NAB1: variants seen among roughly 807,000 people sequenced by gnomAD.
NAB1 encodes NGFI-A-binding protein 1.
Under a neutral mutation model 49.9 loss-of-function variants are expected in NAB1, and 25 were observed. The ratio of observed to expected loss-of-function variants is 0.50; its 90% CI spans 0.37 to 0.70. NAB1 has a LOEUF of 0.70. Among genes scored for constraint, NAB1 ranks in the 30% least tolerant of loss-of-function variants. NAB1 has a pLI of 0.00. For missense variants in NAB1, 489 were observed against 575.9 expected, an observed-to-expected ratio of 0.85 and a Z score of 1.54; for synonymous variants, 198 against 215.6, an observed-to-expected ratio of 0.92 and a Z score of 0.71.
intron 6 of NAB1, 198 bp downstream of exon 6, chr2:190,673,350 G>A: frequency 1.7e-6 from 1 of 591,474 alleles, no homozygotes. Context: ...GCAGACCAAG[G>A]AAAATTTTTT....
chr2:190,661,091 T>TTAA, intron 4 of NAB1, among the ~76,000 whole-genome samples: 1 of 152,202 alleles, frequency 6.6e-6, no homozygotes, highest in Non-Finnish European at 1.5e-5. Context: ...CCACACCAAG[T>TTAA]TAATTTTTTA....
rs1574490700 is a variant in NAB1 at position 190,690,372 on chromosome 2, A to G, written c.*39A>G. 7.0e-7 allele frequency: 1 copy of G among 1,433,096 alleles called. No homozygotes were observed. Among genetic ancestry groups the G allele is most frequent in the Non-Finnish European group, 9.8e-7 (1 of 1,017,400 alleles). The allele number at this position is 1,433,096 out of a possible 1,614,324, so 88.8% of individuals were successfully genotyped here. On this transcript the variant is annotated 3_prime_UTR_variant, in exon 10 of 10. Coordinates refer to ENST00000337386, the MANE Select transcript of NAB1 (RefSeq NM_005966.4). ...CACCGTTCTCTGGAAATGGCATCAG[A>G]TTTAAGGATAATACTCCATCATAGA... is the stretch of plus-strand genomic sequence containing the variant.
At chr2:190,683,371 C>G (rs1442368359) in intron 6 of NAB1, among the ~76,000 whole-genome samples, 1 of 140,916 alleles carries the variant, frequency 7.1e-6, no homozygotes, top group Admixed American at 7.5e-5. Flanking sequence ...GTCTCGAACT[C>G]CTGACCTCAG....
At chr2:190,658,609 C>T (rs1421631831) in intron 3 of NAB1, among the ~76,000 whole-genome samples, 1 of 152,218 alleles carries the variant, frequency 6.6e-6, no homozygotes, top group Non-Finnish European at 1.5e-5. Flanking sequence ...TTTCTCACCT[C>T]CAATTCATAC....
In NAB1 at chr2:190,659,897, G is replaced by C; in HGVS notation, c.721G>C (p.Asp241His). The change falls in exon 4 of 10, where the codon GAT becomes CAT. Residue 241 changes from aspartate to histidine, a missense_variant. By Grantham distance (81) the Asp-to-His change is moderately conservative (BLOSUM62 -1). This residue lies in a region of NAB1 where 204 missense variants were observed against 220.9 expected (regional missense o/e 0.92). Transcript: ENST00000337386. The surrounding 1 kb of genome is among the most constrained non-coding windows in gnomAD (Gnocchi z 6.2). ...MIGHIFEMND[D>H]DPHKEEEIRK... ...TGGTCACATCTTTGAGATGAACGAT[G>C]ATGATCCACACAAAGAGGAGGAAAT... 6.2e-7 allele frequency: 1 copy of C among 1,614,140 alleles called. No individual in the cohort carries two copies. Among genetic ancestry groups the C allele is most frequent in the African/African-American group, 1.3e-5 (1 of 75,038 alleles).
Position 190,685,658 on chromosome 2 carries a change from T to A in NAB1, c.1258+20T>A. On this transcript the variant is annotated intron_variant, in intron 8 of 9. Transcript: ENST00000337386. This position sits in a 1 kb window ranked among gnomAD's most constrained non-coding sequence, Gnocchi z 4.5. ...GACAAGGTACATCTTTAGAATATCC[T>A]ATGCCTTTAGGGCCACTATGTGCAC... 6.4e-7 allele frequency: 1 copy of A among 1,571,424 alleles called. No homozygotes were observed. The highest frequency in any genetic ancestry group is 8.6e-7 in the Non-Finnish European group (1 of 1,158,620).
rs917552874 is a variant in NAB1, at chr2:190,685,927, C to T, written c.1258+289C>T. 1.3e-5 allele frequency among the ~76,000 whole-genome samples: 2 copies of T among 152,046 alleles called. No homozygotes were observed. Among genetic ancestry groups the T allele is most frequent in the African/African-American group, 2.4e-5 (1 of 41,380 alleles). ...TGTCAACAGTACAGATTATTTTCCC[C>T]GAAGAAGCAGATTCCGGGAGAGATG... On this transcript the variant is annotated intron_variant, in intron 8 of 9. Coordinates refer to ENST00000337386, the MANE Select transcript of NAB1 (RefSeq NM_005966.4). The surrounding 1 kb of genome is among the most constrained non-coding windows in gnomAD (Gnocchi z 4.5).
rs2109957 is a variant in NAB1, at chr2:190,670,585, T to C, written c.953+126T>C. ...AAGTATGATTATTGTTCTATGAAAC[T>C]AAACAATGCAGTGATTTTGAAAACA... is the stretch of plus-strand genomic sequence containing the variant. On this transcript the variant is annotated intron_variant, in intron 5 of 9. Coordinates refer to ENST00000337386, the MANE Select transcript of NAB1 (RefSeq NM_005966.4). The surrounding 1 kb of genome is among the most constrained non-coding windows in gnomAD (Gnocchi z 5.3). The C allele has an allele frequency of 0.24, 248,240 of 1,036,726 alleles. 31,413 individuals carry two copies. Among genetic ancestry groups the C allele is most frequent in the Non-Finnish European group, 0.26 (189,601 of 723,506 alleles). The allele number at this position is 1,036,726 out of a possible 1,614,324, so 64.2% of individuals were successfully genotyped here.
chr2:190,664,163 C>T (rs1292603479), intron 4 of NAB1, among the ~76,000 whole-genome samples: 2 of 152,168 alleles, frequency 1.3e-5, no homozygotes, highest in African/African-American at 4.8e-5. Context: ...TCTGCTTGCT[C>T]TGTCAGTAAA....
intron 5 of NAB1, among the ~76,000 whole-genome samples, chr2:190,671,763 C>A (rs1167366938): frequency 7.1e-6 from 1 of 141,794 alleles, no homozygotes; most frequent in Non-Finnish European, 1.5e-5. Context: ...TTTACCTTCA[C>A]CTTTCCTTTT....
rs1204637147 is a variant in NAB1, at chr2:190,654,313, C to T, written c.-196-1664C>T. 2.0e-5 allele frequency among the ~76,000 whole-genome samples: 3 copies of T among 152,198 alleles called. No individual in the cohort carries two copies. The highest frequency in any genetic ancestry group is 7.2e-5 in the African/African-American group (3 of 41,448). ...TGTCTCTCCTTGCTCTTAACTGACTCTCCATGAAGGACTGTCTTTCCTCTG... is the reference window on the plus strand; with the variant it reads ...TGTCTCTCCTTGCTCTTAACTGACTTTCCATGAAGGACTGTCTTTCCTCTG... On this transcript the variant is annotated intron_variant, in intron 2 of 9. Coordinates refer to ENST00000337386, the MANE Select transcript of NAB1 (RefSeq NM_005966.4). The surrounding 1 kb of genome is among the most constrained non-coding windows in gnomAD (Gnocchi z 5.6).
chr2:190,681,705 A>G (rs1250451089), intron 6 of NAB1, among the ~76,000 whole-genome samples: 1 of 152,258 alleles, frequency 6.6e-6, no homozygotes, highest in Non-Finnish European at 1.5e-5. Context: ...TTTTAAAAAT[A>G]GCAAATTAGT....
chr2:190,648,916 G>C (rs1344698611), upstream of NAB1: 1 of 150,288 alleles, frequency 6.7e-6, no homozygotes, highest in Non-Finnish European at 1.5e-5. Context: ...GCGCGTGGGC[G>C]GGAGCCGGAG....
chr2:190,664,133 T>C (rs929584154), intron 4 of NAB1, among the ~76,000 whole-genome samples: 11 of 152,212 alleles, frequency 7.2e-5, no homozygotes, highest in Admixed American at 3.9e-4. Flanking sequence ...TCAAATCTTA[T>C]ATTCTTAACT....
rs540413298 is a variant in NAB1, at chr2:190,667,482, C to T, written c.820-2844C>T. ...ATATCATTATTTAAAGTATACATTTCACTTTTAACTCCAATAACATTGTGC... is the reference window on the plus strand; with the variant it reads ...ATATCATTATTTAAAGTATACATTTTACTTTTAACTCCAATAACATTGTGC... On this transcript the variant is annotated intron_variant, in intron 4 of 9. Coordinates refer to ENST00000337386, the MANE Select transcript of NAB1 (RefSeq NM_005966.4). The surrounding 1 kb of genome is among the most constrained non-coding windows in gnomAD (Gnocchi z 4.4). Among the ~76,000 whole-genome samples the T allele has an allele frequency of 6.6e-6, 1 of 152,318 alleles. No homozygotes were observed. The highest frequency in any genetic ancestry group is 2.1e-4 in the South Asian group (1 of 4,824).
At position 190,670,561 on chromosome 2, in the gene NAB1, A is replaced by C. The variant is rs114341024; in HGVS notation, c.953+102A>C. On this transcript the variant is annotated intron_variant, in intron 5 of 9. Transcript: ENST00000337386. The surrounding 1 kb of genome is among the most constrained non-coding windows in gnomAD (Gnocchi z 5.3). ...ATATAAGCATTTCTGAAAAAGTGGA[A>C]GTATGATTATTGTTCTATGAAACTA... 1 of 1,274,968 alleles carries C rather than the reference A, an allele frequency of 7.8e-7. No homozygotes were observed. Among genetic ancestry groups the C allele is most frequent in the East Asian group, 2.4e-5 (1 of 41,728 alleles). The allele number at this position is 1,274,968 out of a possible 1,614,324, so 79.0% of individuals were successfully genotyped here. A position where few individuals can be genotyped will look rare whatever the true frequency, so the allele number is the denominator to read the frequency against.
Position 190,652,886 on chromosome 2 carries a change from ATAAT to A in NAB1, c.-197+2910_-197+2913del, listed in dbSNP as rs1338880985. Reference sequence around the variant, plus strand: ...GTCTAGGATGAGAATAAAAGCGAAAATAATTAATTGCATAGAGCAAGCTTGTCCA... The same window carrying A: ...GTCTAGGATGAGAATAAAAGCGAAAATAATTGCATAGAGCAAGCTTGTCCA... On this transcript the variant is annotated intron_variant, in intron 2 of 9. Coordinates refer to ENST00000337386, the MANE Select transcript of NAB1 (RefSeq NM_005966.4). The surrounding 1 kb of genome is among the most constrained non-coding windows in gnomAD (Gnocchi z 4.2). Among the ~76,000 whole-genome samples, 1 of 152,238 alleles carries A rather than the reference ATAAT, an allele frequency of 6.6e-6. No homozygotes were observed. The highest frequency in any genetic ancestry group is 1.5e-5 in the Non-Finnish European group (1 of 68,042).
At chr2:190,660,354 G>A (rs183580814) in intron 4 of NAB1, among the ~76,000 whole-genome samples, 2 of 152,166 alleles carry the variant, frequency 1.3e-5, no homozygotes, top group Middle Eastern at 3.4e-3. Flanking sequence ...AAACATTTTT[G>A]TAGGCTTTTT....
chr2:190,664,320 G>A (rs1694376424), intron 4 of NAB1, among the ~76,000 whole-genome samples: 1 of 150,302 alleles, frequency 6.7e-6, no homozygotes, highest in South Asian at 2.1e-4. Flanking sequence ...CTCTCTTTTT[G>A]TTAGTCATTG....
Sources: gnomAD v4.1 joint callset for allele counts (sites outside exome capture counted in the v4.1 genomes callset) on GRCh38, gnomAD v4.1.1 for gene constraint, gnomAD v4.1.1 regional missense constraint, Gnocchi (gnomAD v3.1) non-coding constraint, MANE v1.5 for transcripts, NCBI Gene and HGNC (gene_info 2026-07-23, HGNC 2026-07-21) for gene names.